SHISAL1: variants seen among roughly 807,000 people sequenced by gnomAD.
The protein encoded by SHISAL1 is protein shisa-like-1.
In SHISAL1, 9 loss-of-function variants were observed where a neutral mutation model predicts 22.6. The ratio of observed to expected loss-of-function variants is 0.40; its 90% CI spans 0.24 to 0.70. The LOEUF (loss-of-function observed/expected upper bound fraction) is 0.70, where lower values mean the gene tolerates loss of function less well. SHISAL1 is among the 30% of genes least tolerant of loss of function. The probability of loss-of-function intolerance (pLI) is 0.39; values close to 1 mark genes in which losing one functional copy is unlikely to be tolerated. For synonymous variants in SHISAL1, 119 were observed against 115.4 expected (o/e 1.03, Z -0.20); for missense variants, 246 against 270.6 (o/e 0.91, Z 0.64).
chr22:44,277,432 C>T (rs2055247347), intron 4 of SHISAL1, among the ~76,000 whole-genome samples: 1 of 134,494 alleles, frequency 7.4e-6, no homozygotes, highest in Non-Finnish European at 1.7e-5. Flanking sequence ...TTGCTCCTAA[C>T]TCAACTACTC....
At chr22:44,263,079 C>CTTTCT (rs55901041) in intron 4 of SHISAL1, among the ~76,000 whole-genome samples, 17,534 of 88,272 alleles carry the variant, frequency 0.2, 2,201 homozygotes, top group Middle Eastern at 0.22. Flanking sequence ...TTCTTTCTTT[C>CTTTCT]TTTTTTTTTT....
intron 4 of SHISAL1, among the ~76,000 whole-genome samples, chr22:44,280,463 T>C (rs1363654697): frequency 1.3e-5 from 2 of 152,064 alleles, no homozygotes; most frequent in Non-Finnish European, 2.9e-5. Flanking sequence ...CAAGAGTCCA[T>C]GGAAATACCA....
chr22:44,262,398 A>G (rs2055131264), intron 4 of SHISAL1, among the ~76,000 whole-genome samples: 1 of 152,194 alleles, frequency 6.6e-6, no homozygotes, highest in South Asian at 2.1e-4. Context: ...CCGACATGGA[A>G]GATCATGCCT....
intron 3 of SHISAL1, 108 bp downstream of exon 3, chr22:44,296,560 CCCAA>C: frequency 1.1e-6 from 1 of 875,002 alleles, no homozygotes; most frequent in Non-Finnish European, 1.8e-6. Context: ...TCCAGGCCCA[CCCAA>C]CCTTATAGCG....
At position 44,285,736 on chromosome 22, in the gene SHISAL1, G is replaced by A. The variant is rs370417057; in HGVS notation, c.291C>T (p.Thr97=). ...SSEGYMHNNY[T]ALLGVWIYGF... ...CATAGATCCACACTCCCAACAAGGC[G>A]GTGTAATTGCTGCGAACAAACAGAG... is the stretch of plus-strand genomic sequence containing the variant. The change falls in exon 4 of 5, where the codon ACC becomes ACT. Residue 97 remains threonine, a synonymous_variant. Transcript: ENST00000381176. The A allele has an allele frequency of 1.4e-5, 23 of 1,609,038 alleles. No homozygotes were observed. The highest frequency in any genetic ancestry group is 2.2e-5 in the South Asian group (2 of 90,826).
chr22:44,270,104 T>C (rs2055196250), intron 4 of SHISAL1, among the ~76,000 whole-genome samples: 1 of 152,236 alleles, frequency 6.6e-6, no homozygotes, highest in Non-Finnish European at 1.5e-5. Context: ...GGTTGGCTGC[T>C]GTCAGCTGCG....
At chr22:44,257,832 G>C (rs767752282) in intron 4 of SHISAL1, among the ~76,000 whole-genome samples, 3 of 152,212 alleles carry the variant, frequency 2.0e-5, no homozygotes, top group Non-Finnish European at 4.4e-5. Context: ...GCATTAGCGT[G>C]AGCTGCTTCT....
In SHISAL1 at chr22:44,250,772, A is replaced by G. The variant is rs117315492; in HGVS notation, c.*-1087T>C. 7.2e-5 allele frequency among the ~76,000 whole-genome samples: 11 copies of G among 152,356 alleles called. 1 individual carries two copies. The highest frequency in any genetic ancestry group is 4.6e-4 in the Admixed American group (7 of 15,306). ...AAACTTGGTTCTGGTGGCAGCCCTGAACTACCCCCTTCATACCATTGCAGT... is the reference window on the plus strand; with the variant it reads ...AAACTTGGTTCTGGTGGCAGCCCTGGACTACCCCCTTCATACCATTGCAGT... On this transcript the variant is annotated intron_variant, in intron 4 of 4. Coordinates refer to ENST00000381176, the MANE Select transcript of SHISAL1 (RefSeq NM_001099294.2).
intron 4 of SHISAL1, among the ~76,000 whole-genome samples, chr22:44,265,578 CCTGACTCACACCTTT>C (rs2055156431): frequency 6.6e-6 from 1 of 152,146 alleles, no homozygotes; most frequent in African/African-American, 2.4e-5. Context: ...GAAGCCACAC[CCTGACTCACACCTTT>C]CTGACTCACA....
chr22:44,271,684 G>A (rs1005171402), intron 4 of SHISAL1, among the ~76,000 whole-genome samples: 5 of 152,244 alleles, frequency 3.3e-5, no homozygotes, highest in African/African-American at 1.2e-4. Flanking sequence ...GCTCTGCCCT[G>A]CAAAGCCTAA....
chr22:44,323,408 TCC>T, the SHISAL1 span, among the ~76,000 whole-genome samples: 1 of 142,000 alleles, frequency 7.0e-6, no homozygotes, highest in Non-Finnish European at 1.5e-5. Flanking sequence ...CATCCATCCA[TCC>T]ATTCATTCAT....
At chr22:44,296,175 T>C (rs2055384516) in intron 3 of SHISAL1, among the ~76,000 whole-genome samples, 1 of 151,966 alleles carries the variant, frequency 6.6e-6, no homozygotes, top group Admixed American at 6.6e-5. Flanking sequence ...TTTTCTTTTT[T>C]GAGACGGAGT....
intron 4 of SHISAL1, among the ~76,000 whole-genome samples, chr22:44,270,536 A>T (rs2147280250): frequency 6.6e-6 from 1 of 151,994 alleles, no homozygotes; most frequent in Non-Finnish European, 1.5e-5. Flanking sequence ...CCAGAGGGGG[A>T]CCTTGGAGGC....
upstream of SHISAL1, among the ~76,000 whole-genome samples, chr22:44,315,096 G>T (rs1324126709): frequency 6.6e-6 from 1 of 152,132 alleles, no homozygotes; most frequent in Non-Finnish European, 1.5e-5. Context: ...GCTGAGGGAT[G>T]GGTCAAGGAT....
At chr22:44,328,200 T>C in the SHISAL1 span, among the ~76,000 whole-genome samples, 3 of 152,184 alleles carry the variant, frequency 2.0e-5, no homozygotes, top group African/African-American at 7.2e-5. Flanking sequence ...TGCCCCCTCA[T>C]GGTTCCTGGT....
At chr22:44,320,144 G>C in the SHISAL1 span, among the ~76,000 whole-genome samples, 1 of 152,210 alleles carries the variant, frequency 6.6e-6, no homozygotes, top group Non-Finnish European at 1.5e-5. Flanking sequence ...TGGGGGTATA[G>C]GAGTGAACTA....
intron 1 of SHISAL1, among the ~76,000 whole-genome samples, chr22:44,306,964 C>A (rs1259846937): frequency 5.4e-5 from 8 of 148,972 alleles, no homozygotes; most frequent in African/African-American, 1.2e-4. Flanking sequence ...GTGGAGGGGA[C>A]CTGGGCTTAG....
chr22:44,251,545 T>G (rs1441918784), intron 4 of SHISAL1, among the ~76,000 whole-genome samples: 2 of 152,206 alleles, frequency 1.3e-5, no homozygotes, highest in Admixed American at 6.5e-5. Flanking sequence ...GCTGGGCAAC[T>G]TACAAAAGAG....
intron 4 of SHISAL1, among the ~76,000 whole-genome samples, chr22:44,263,819 A>G (rs2055143331): frequency 6.6e-6 from 1 of 152,224 alleles, no homozygotes; most frequent in Admixed American, 6.5e-5. Context: ...CCTTGACATG[A>G]AGTGTTCATG....
Sources: allele counts gnomAD v4.1 joint callset (sites outside exome capture counted in the v4.1 genomes callset), GRCh38; gene constraint gnomAD v4.1.1; transcripts MANE v1.5; gene names NCBI Gene and HGNC (gene_info 2026-07-23, HGNC 2026-07-21).